The following GALNTL6 variants were observed in gnomAD, a reference collection of about 807,000 sequenced individuals.
The protein encoded by GALNTL6 is polypeptide N-acetylgalactosaminyltransferase-like 6.
In GALNTL6, 46 loss-of-function variants were observed where a neutral mutation model predicts 73.7. That is an observed-to-expected ratio of 0.62 (90% CI 0.49 to 0.80). The LOEUF is 0.80. Among genes scored for constraint, GALNTL6 ranks in the 30% least tolerant of loss-of-function variants. GALNTL6 has a pLI of 0.00. For synonymous variants in GALNTL6, 259 were observed against 263.7 expected, an observed-to-expected ratio of 0.98 and a Z score of 0.17; for missense variants, 604 against 755.0, an observed-to-expected ratio of 0.80 and a Z score of 2.34.
chr4:172,430,860 G>A (rs1246775596), intron 5 of GALNTL6, among the ~76,000 whole-genome samples: 1 of 152,088 alleles, frequency 6.6e-6, no homozygotes, highest in Non-Finnish European at 1.5e-5. Context: ...ATTATTTTAT[G>A]AGTTGAAATA....
At chr4:172,208,135 C>A (rs1444754004) in intron 2 of GALNTL6, among the ~76,000 whole-genome samples, 1 of 152,156 alleles carries the variant, frequency 6.6e-6, no homozygotes, top group Non-Finnish European at 1.5e-5. Context: ...CAGAGCATTA[C>A]AAAGTGAGAC....
chr4:172,671,966 C>T (rs1195866892), intron 5 of GALNTL6, among the ~76,000 whole-genome samples: 1 of 152,204 alleles, frequency 6.6e-6, no homozygotes, highest in Non-Finnish European at 1.5e-5. Flanking sequence ...TCTCAGCTCA[C>T]TGCAACCTCC....
At chr4:171,854,565 T>C (rs1735630538) in intron 2 of GALNTL6, among the ~76,000 whole-genome samples, 1 of 152,224 alleles carries the variant, frequency 6.6e-6, no homozygotes, top group Admixed American at 6.5e-5. Context: ...GGATAACATC[T>C]TAGTCCATTT....
At chr4:171,936,451 C>T (rs918437066) in intron 2 of GALNTL6, among the ~76,000 whole-genome samples, 1 of 151,948 alleles carries the variant, frequency 6.6e-6, no homozygotes, top group Non-Finnish European at 1.5e-5. Flanking sequence ...GCAGATGAGG[C>T]CAAGAACATT....
At chr4:172,060,506 A>G (rs985163245) in intron 2 of GALNTL6, among the ~76,000 whole-genome samples, 1 of 152,210 alleles carries the variant, frequency 6.6e-6, no homozygotes, top group East Asian at 1.9e-4. Flanking sequence ...GATTTATCGT[A>G]GTCAATGATC....
intron 2 of GALNTL6, among the ~76,000 whole-genome samples, chr4:171,988,275 G>C (rs1740177860): frequency 6.6e-6 from 1 of 152,182 alleles, no homozygotes; most frequent in Non-Finnish European, 1.5e-5. Context: ...ACGTTTGGGA[G>C]ATTAATCGGC....
intron 3 of GALNTL6, among the ~76,000 whole-genome samples, chr4:172,259,431 A>G (rs2134662): frequency 0.5 from 73,993 of 148,144 alleles, 18,220 homozygotes; most frequent in Middle Eastern, 0.58. Context: ...CATGTCTTTT[A>G]CCCACTTTTT....
chr4:173,000,753 C>T (rs959063855), intron 10 of GALNTL6, among the ~76,000 whole-genome samples: 13 of 152,144 alleles, frequency 8.5e-5, no homozygotes, highest in African/African-American at 2.9e-4. Context: ...AATAAGCCCT[C>T]ACATGCAAAG....
Position 172,581,514 on chromosome 4 carries a change from T to G in GALNTL6, c.554-227847T>G, listed in dbSNP as rs144330684. 4.4e-3 allele frequency among the ~76,000 whole-genome samples: 670 copies of G among 152,276 alleles called. 7 individuals carry two copies. The highest frequency in any genetic ancestry group is 0.013 in the African/African-American group (551 of 41,536). On this transcript the variant is annotated intron_variant, in intron 5 of 12. Coordinates refer to ENST00000506823, the MANE Select transcript of GALNTL6 (RefSeq NM_001034845.3). ...AAAAGGCCTTTCTCAATCCATCAGC[T>G]CTTCTCTTCTACATTTACCCAATCC...
chr4:172,769,512 A>G (rs1233876086), intron 5 of GALNTL6, among the ~76,000 whole-genome samples: 1 of 152,204 alleles, frequency 6.6e-6, no homozygotes, highest in Non-Finnish European at 1.5e-5. Context: ...GAAACATGAG[A>G]GGAAAGAGAA....
At chr4:172,565,342 A>G (rs978502736) in intron 5 of GALNTL6, among the ~76,000 whole-genome samples, 1 of 152,158 alleles carries the variant, frequency 6.6e-6, no homozygotes, top group Non-Finnish European at 1.5e-5. Flanking sequence ...GCTTTTCTGT[A>G]TTATTGAGAT....
intron 5 of GALNTL6, among the ~76,000 whole-genome samples, chr4:172,783,411 TATA>T (rs1006638324): frequency 4.3e-4 from 63 of 147,592 alleles, no homozygotes; most frequent in South Asian, 1.5e-3. Context: ...TAATATTATT[TATA>T]ATAATAATAT....
intron 2 of GALNTL6, among the ~76,000 whole-genome samples, chr4:172,061,458 T>G (rs1257246833): frequency 6.6e-6 from 1 of 152,084 alleles, no homozygotes; most frequent in Non-Finnish European, 1.5e-5. Flanking sequence ...CCCCTCAAGC[T>G]CCTTTATTTG....
At chr4:172,836,202 C>T (rs902236247) in intron 7 of GALNTL6, among the ~76,000 whole-genome samples, 2 of 152,206 alleles carry the variant, frequency 1.3e-5, no homozygotes, top group Non-Finnish European at 2.9e-5. Flanking sequence ...ATGGCCCATT[C>T]TTGCTTCTAC....
intron 5 of GALNTL6, among the ~76,000 whole-genome samples, chr4:172,575,185 C>T (rs188690408): frequency 3.0e-4 from 46 of 152,314 alleles, no homozygotes; most frequent in African/African-American, 1.1e-3. Flanking sequence ...CAATTCTTAA[C>T]TCCAGAAACA....
chr4:172,623,913 A>G (rs1178183415), intron 5 of GALNTL6, among the ~76,000 whole-genome samples: 1 of 152,140 alleles, frequency 6.6e-6, no homozygotes, highest in Non-Finnish European at 1.5e-5. Flanking sequence ...GAGATATTTT[A>G]CACATCAATT....
intron 11 of GALNTL6, among the ~76,000 whole-genome samples, chr4:173,015,842 A>G (rs1752759546): frequency 6.6e-6 from 1 of 152,238 alleles, no homozygotes. Context: ...ATGTCTCCAG[A>G]GCAAATCACA....
intron 8 of GALNTL6, among the ~76,000 whole-genome samples, chr4:172,919,235 G>T (rs1747675582): frequency 6.6e-6 from 1 of 152,170 alleles, no homozygotes; most frequent in African/African-American, 2.4e-5. Flanking sequence ...TGGAAACGGT[G>T]CAAAAGTCAG....
At chr4:172,800,114 G>C (rs1425848806) in intron 5 of GALNTL6, among the ~76,000 whole-genome samples, 1 of 151,986 alleles carries the variant, frequency 6.6e-6, no homozygotes, top group Non-Finnish European at 1.5e-5. Context: ...AAGCTGGGGG[G>C]GAGAGAGAAA....
Sources: allele counts gnomAD v4.1 joint callset (sites outside exome capture counted in the v4.1 genomes callset), GRCh38; gene constraint gnomAD v4.1.1; transcripts MANE v1.5; gene names NCBI Gene and HGNC (gene_info 2026-07-23, HGNC 2026-07-21).